XPO1: variants seen among roughly 807,000 people sequenced by gnomAD.
XPO1 encodes exportin-1.
XPO1 carries 5 observed loss-of-function variants against 133.3 expected under a neutral mutation model. The observed-to-expected ratio is 0.04, with a 90% CI of 0.02 to 0.08. The LOEUF (loss-of-function observed/expected upper bound fraction) is 0.08. XPO1 is among the 10% of genes least tolerant of loss of function. The pLI is 1.00. For missense variants in XPO1, 506 were observed against 1,267.5 expected, an observed-to-expected ratio of 0.40 and a Z score of 9.12; for synonymous variants, 419 against 408.2, an observed-to-expected ratio of 1.03 and a Z score of -0.32.
intron 20 of XPO1, 165 bp downstream of exon 20, chr2:61,485,603 G>C (rs1573110114): frequency 1.5e-6 from 1 of 664,502 alleles, no homozygotes; most frequent in East Asian, 3.1e-5. Context: ...AAACTCCTGG[G>C]AAGTAAGTTC....
chr2:61,491,990 A>T, intron 16 of XPO1, 45 bp downstream of exon 16: 1 of 1,601,800 alleles, frequency 6.2e-7, no homozygotes, highest in African/African-American at 1.3e-5. Flanking sequence ...AGATTGATAC[A>T]AGTGTTACTT....
chr2:61,490,898 T>A, intron 16 of XPO1, 122 bp from the exon 17 acceptor site: 2 of 1,204,230 alleles, frequency 1.7e-6, no homozygotes, highest in Non-Finnish European at 2.3e-6. Context: ...ATCACTCCTG[T>A]AATCCCAATA....
At chr2:61,510,231 TG>T (rs1259303300) in intron 4 of XPO1, among the ~76,000 whole-genome samples, 1 of 152,102 alleles carries the variant, frequency 6.6e-6, no homozygotes, top group African/African-American at 2.4e-5. Context: ...GAGCCAAGAT[TG>T]TACTACTGCA....
chr2:61,512,131 G>A (rs962617138), intron 4 of XPO1, among the ~76,000 whole-genome samples: 4 of 152,170 alleles, frequency 2.6e-5, no homozygotes, highest in Admixed American at 6.5e-5. Context: ...GATTTGGAAT[G>A]CCTGTCAACT....
At position 61,514,528 on chromosome 2, in the gene XPO1, G is replaced by A. The variant is rs940282814; in HGVS notation, c.301+8083C>T. Among the ~76,000 whole-genome samples the A allele has an allele frequency of 2.0e-5, 3 of 151,654 alleles. No homozygotes were observed. The South Asian group carries it at 6.2e-4, about 32-fold the overall frequency. On this transcript the variant is annotated intron_variant, in intron 4 of 24. Coordinates refer to ENST00000401558, the MANE Select transcript of XPO1 (RefSeq NM_003400.4). ...GAATCGCTTGAACCCGGGAAACAGA[G>A]GTTGCAGTCAGCCGAGATCAGGCCA... is the stretch of plus-strand genomic sequence containing the variant.
intron 3 of XPO1, chr2:61,526,007 C>G: frequency 9.4e-7 from 1 of 1,062,428 alleles, no homozygotes; most frequent in Non-Finnish European, 1.1e-6. Context: ...CCATTAGAAG[C>G]CCAATGCCAT....
intron 4 of XPO1, among the ~76,000 whole-genome samples, chr2:61,516,894 TTTAA>T (rs768632579): frequency 4.7e-4 from 71 of 152,280 alleles, no homozygotes; most frequent in Admixed American, 1.0e-3. Flanking sequence ...AAATGCCATT[TTTAA>T]TTAATTAATT....
chr2:61,521,756 GTTGTTGTTC>G (rs979486258), intron 4 of XPO1, among the ~76,000 whole-genome samples: 14 of 151,874 alleles, frequency 9.2e-5, no homozygotes, highest in African/African-American at 3.4e-4. Flanking sequence ...TTTTTTTGTT[GTTGTTGTTC>G]TTGTTTTTTG....
chr2:61,517,781 AT>A (rs1463176177), intron 4 of XPO1, among the ~76,000 whole-genome samples: 3 of 151,952 alleles, frequency 2.0e-5, no homozygotes, highest in Admixed American at 1.3e-4. Context: ...AAAAAAAAAA[AT>A]TTTTTTTAAT....
intron 6 of XPO1, among the ~76,000 whole-genome samples, chr2:61,501,721 C>CAAAAAAA (rs34659499): frequency 4.5e-5 from 5 of 111,218 alleles, no homozygotes; most frequent in Admixed American, 1.0e-4. Context: ...AGACTGTCTC[C>CAAAAAAA]AAAAAAAAAA....
intron 4 of XPO1, among the ~76,000 whole-genome samples, chr2:61,519,403 T>G (rs1698570793): frequency 6.6e-6 from 1 of 151,822 alleles, no homozygotes; most frequent in South Asian, 2.1e-4. Flanking sequence ...TGTCATTAAT[T>G]TAAAAGAACA....
intron 4 of XPO1, 191 bp from the exon 5 acceptor site, chr2:61,502,501 G>C: frequency 1.9e-6 from 1 of 517,810 alleles, no homozygotes; most frequent in South Asian, 2.4e-5. Context: ...TGTAATCCCA[G>C]CAATTCTTTG....
intron 4 of XPO1, among the ~76,000 whole-genome samples, chr2:61,515,295 TATCA>T (rs1015573362): frequency 2.0e-5 from 3 of 152,180 alleles, no homozygotes; most frequent in East Asian, 3.9e-4. Flanking sequence ...CAAAGGCCAA[TATCA>T]ATTAAAGGAA....
At chr2:61,479,054 A>T in intron 24 of XPO1, 88 bp from the exon 25 acceptor site, 2 of 1,461,856 alleles carry the variant, frequency 1.4e-6, no homozygotes, top group Non-Finnish European at 1.9e-6. Flanking sequence ...CTTTTTAGAG[A>T]AGGAAGGAAT....
Position 61,481,221 on chromosome 2 carries a change from G to A in XPO1, c.3033C>T (p.Phe1011=), listed in dbSNP as rs769612171. Residue 1011 remains phenylalanine (F), a synonymous_variant, in exon 24 of 25, where the codon TTC becomes TTT. Transcript: ENST00000401558. The part of the protein sequence containing the change: ...LFSLNQDIPA[F]KEHLRDFLVQ... ...CTAGGAAATCTCTTAAATGTTCCTT[G>A]AAAGCAGGAATATCTTGATTTAAGC... The A allele has an allele frequency of 6.8e-6, 11 of 1,610,394 alleles. No homozygotes were observed. The Admixed American group carries it at 1.9e-4, about 27-fold the overall frequency.
chr2:61,522,407 T>C (rs1698738066), intron 4 of XPO1, among the ~76,000 whole-genome samples: 1 of 152,116 alleles, frequency 6.6e-6, no homozygotes, highest in Non-Finnish European at 1.5e-5. Flanking sequence ...CAGTCCAGTC[T>C]CCTCTTTCTC....
intron 4 of XPO1, among the ~76,000 whole-genome samples, chr2:61,516,366 T>C (rs148681717): frequency 1.0e-3 from 154 of 152,106 alleles, no homozygotes; most frequent in Middle Eastern, 3.4e-3. Flanking sequence ...CTTTCCACTT[T>C]GGATTACTTT....
chr2:61,532,986 C>T (rs1024997168), intron 2 of XPO1, among the ~76,000 whole-genome samples: 2 of 152,048 alleles, frequency 1.3e-5, no homozygotes, highest in East Asian at 1.9e-4. Context: ...CAAGACCAGC[C>T]TGGCCAACAC....
chr2:61,487,391 G>A (rs1297694610), intron 19 of XPO1, among the ~76,000 whole-genome samples: 1 of 152,072 alleles, frequency 6.6e-6, no homozygotes, highest in African/African-American at 2.4e-5. Context: ...TAATACGCAT[G>A]TTCAGAACCT....
Sources: allele counts gnomAD v4.1 joint callset (sites outside exome capture counted in the v4.1 genomes callset), GRCh38; gene constraint gnomAD v4.1.1; transcripts MANE v1.5; gene names NCBI Gene and HGNC (gene_info 2026-07-23, HGNC 2026-07-21).